ZSWIM6: variants seen among roughly 807,000 people sequenced by gnomAD.
ZSWIM6 encodes the protein zinc finger SWIM-type containing 6, also known as zinc finger SWIM domain-containing protein 6.
ZSWIM6 carries 9 observed loss-of-function variants against 113.2 expected under a neutral mutation model. That is an observed-to-expected ratio of 0.08 (90% CI 0.05 to 0.14). ZSWIM6 has a LOEUF of 0.14. ZSWIM6 is among the 10% of genes least tolerant of loss of function. The pLI is 1.00. For missense variants in ZSWIM6, 1,162 were observed against 1,552.2 expected, an observed-to-expected ratio of 0.75 and a Z score of 4.22; for synonymous variants, 611 against 606.5, an observed-to-expected ratio of 1.01 and a Z score of -0.11.
At chr5:61,436,443 A>T (rs140917417) in intron 1 of ZSWIM6, among the ~76,000 whole-genome samples, 6 of 152,238 alleles carry the variant, frequency 3.9e-5, no homozygotes, top group African/African-American at 1.4e-4. Flanking sequence ...CTGTTCATTA[A>T]ATATACAGAA....
intron 7 of ZSWIM6, 118 bp downstream of exon 7, chr5:61,526,514 G>C (rs755603325): frequency 8.5e-6 from 10 of 1,181,358 alleles, no homozygotes; most frequent in South Asian, 1.6e-5. Flanking sequence ...GGCTTTACTC[G>C]CCATTCATTT....
intron 5 of ZSWIM6, among the ~76,000 whole-genome samples, chr5:61,523,232 C>T (rs552373225): frequency 4.5e-4 from 69 of 152,236 alleles, no homozygotes; most frequent in African/African-American, 1.6e-3. Context: ...CTTGTGGTGG[C>T]CAATAGAGTC....
chr5:61,457,020 G>A (rs1747218510), intron 1 of ZSWIM6, among the ~76,000 whole-genome samples: 1 of 151,162 alleles, frequency 6.6e-6, no homozygotes, highest in South Asian at 2.1e-4. Context: ...TCGTCATCTA[G>A]CATTAGGTAT....
intron 1 of ZSWIM6, among the ~76,000 whole-genome samples, chr5:61,395,920 T>A (rs1561221394): frequency 1.3e-5 from 2 of 152,112 alleles, no homozygotes; most frequent in Admixed American, 6.6e-5. Flanking sequence ...CTTTTTTTTT[T>A]ATGGGAGGTA....
chr5:61,336,386 C>G (rs1322431293), intron 1 of ZSWIM6, among the ~76,000 whole-genome samples: 1 of 152,142 alleles, frequency 6.6e-6, no homozygotes, highest in South Asian at 2.1e-4. Context: ...AAAAATTTCC[C>G]CAAGTTATTT....
At chr5:61,433,970 C>A (rs1276812376) in intron 1 of ZSWIM6, among the ~76,000 whole-genome samples, 1 of 147,856 alleles carries the variant, frequency 6.8e-6, no homozygotes, top group Non-Finnish European at 1.5e-5. Flanking sequence ...ATGGCCATGT[C>A]CATGTAAAAT....
chr5:61,444,072 T>C (rs1408335458), intron 1 of ZSWIM6, among the ~76,000 whole-genome samples: 1 of 150,720 alleles, frequency 6.6e-6, no homozygotes, highest in Non-Finnish European at 1.5e-5. Context: ...GCATTAGGTA[T>C]ATCTCCTAAT....
chr5:61,332,719 C>G lies in ZSWIM6; in HGVS notation c.447C>G (p.Gly149=). 1.0e-6 allele frequency: 1 copy of G among 955,726 alleles called. No individual in the cohort carries two copies. Among genetic ancestry groups the G allele is most frequent in the South Asian group, 4.9e-5 (1 of 20,368 alleles). The allele number at this position is 955,726 out of a possible 1,614,324, so 59.2% of individuals were successfully genotyped here. The stretch of plus-strand genomic sequence containing the variant: ...GCGGTGGCGGCGGCGGCGCGGGCGG[C>G]GGCGGCGGCGGCGGCTCCTCGTCTT... ...DDSGGGGGAG[G]GGGGGSSSSP... The change falls in exon 1 of 14, where the codon GGC becomes GGG. Residue 149 remains glycine (G), a synonymous_variant. Transcript: ENST00000252744.
At chr5:61,479,916 C>CTT (rs57327797) in intron 2 of ZSWIM6, among the ~76,000 whole-genome samples, 29 of 148,426 alleles carry the variant, frequency 2.0e-4, no homozygotes, top group South Asian at 1.1e-3. Context: ...TGTGAACCAG[C>CTT]TTTTTTTTTT....
intron 1 of ZSWIM6, among the ~76,000 whole-genome samples, chr5:61,381,396 C>T (rs932832315): frequency 6.6e-6 from 1 of 152,180 alleles, no homozygotes; most frequent in Non-Finnish European, 1.5e-5. Context: ...CTGGGACTTA[C>T]TTTTTAAAGA....
At chr5:61,414,334 T>C (rs1450149856) in intron 1 of ZSWIM6, among the ~76,000 whole-genome samples, 2 of 151,908 alleles carry the variant, frequency 1.3e-5, no homozygotes, top group Non-Finnish European at 2.9e-5. Context: ...GATTTTGAGG[T>C]TTCTATTTTG....
chr5:61,456,192 A>G (rs1747202419), intron 1 of ZSWIM6, among the ~76,000 whole-genome samples: 1 of 152,126 alleles, frequency 6.6e-6, no homozygotes, highest in Admixed American at 6.5e-5. Context: ...TATATATTGG[A>G]GGCCTTCTCA....
intron 1 of ZSWIM6, among the ~76,000 whole-genome samples, chr5:61,430,170 G>A (rs963941387): frequency 5.3e-5 from 8 of 152,182 alleles, no homozygotes; most frequent in African/African-American, 1.9e-4. Context: ...CAGATTGAAA[G>A]GGGTTAAGCA....
chr5:61,445,198 A>C (rs550275648), intron 1 of ZSWIM6, among the ~76,000 whole-genome samples: 1 of 152,240 alleles, frequency 6.6e-6, no homozygotes, highest in Non-Finnish European at 1.5e-5. Context: ...CAAACTTATC[A>C]AAGTAAGACA....
chr5:61,423,314 A>G (rs1579988929), intron 1 of ZSWIM6, among the ~76,000 whole-genome samples: 2 of 151,844 alleles, frequency 1.3e-5, no homozygotes, highest in Admixed American at 6.6e-5. Context: ...AGGCTGAGGC[A>G]GGAGAATCGC....
intron 1 of ZSWIM6, among the ~76,000 whole-genome samples, chr5:61,471,379 T>C (rs753925668): frequency 6.6e-6 from 1 of 152,070 alleles, no homozygotes; most frequent in Non-Finnish European, 1.5e-5. Flanking sequence ...TCCTATGCAA[T>C]GTAGGGAAAG....
chr5:61,527,657 C>T (rs527986972), intron 7 of ZSWIM6, among the ~76,000 whole-genome samples: 2 of 152,224 alleles, frequency 1.3e-5, no homozygotes, highest in South Asian at 4.1e-4. Context: ...AACACATACA[C>T]AGTCTATGGT....
intron 2 of ZSWIM6, among the ~76,000 whole-genome samples, chr5:61,488,717 A>G (rs534726720): frequency 4.5e-4 from 68 of 151,594 alleles, no homozygotes; most frequent in Non-Finnish European, 8.8e-4. Context: ...TGGTTAGTCT[A>G]TCTAGCACAA....
chr5:61,336,745 A>G (rs550554906), intron 1 of ZSWIM6, among the ~76,000 whole-genome samples: 1 of 152,292 alleles, frequency 6.6e-6, no homozygotes, highest in South Asian at 2.1e-4. Flanking sequence ...CAACAGACTG[A>G]GACTCTGTCT....
Sources: gnomAD v4.1 joint callset for allele counts (sites outside exome capture counted in the v4.1 genomes callset) on GRCh38, gnomAD v4.1.1 for gene constraint, MANE v1.5 for transcripts, NCBI Gene and HGNC (gene_info 2026-07-23, HGNC 2026-07-21) for gene names.